GBE1: variants seen among roughly 807,000 people sequenced by gnomAD.
The protein encoded by GBE1 is 1,4-alpha-glucan-branching enzyme.
A neutral mutation model predicts 88.8 loss-of-function variants in GBE1; 70 were observed. The observed-to-expected ratio is 0.79, with a 90% confidence interval of 0.65 to 0.96. The LOEUF is 0.96. GBE1 is among the 40% of genes least tolerant of loss of function. The probability of loss-of-function intolerance (pLI) is 0.00; values close to 1 mark genes in which losing one functional copy is unlikely to be tolerated. For missense variants in GBE1, 872 were observed against 871.0 expected (o/e 1.00, Z -0.01); for synonymous variants, 284 against 300.1 (o/e 0.95, Z 0.56).
chr3:81,683,059 A>G (rs1705374518), intron 2 of GBE1, among the ~76,000 whole-genome samples: 1 of 152,210 alleles, frequency 6.6e-6, no homozygotes, highest in Non-Finnish European at 1.5e-5. Context: ...AGACACAGAA[A>G]GTAGATCAGT....
intron 7 of GBE1, among the ~76,000 whole-genome samples, chr3:81,607,612 TTCG>T (rs1276365572): frequency 6.6e-6 from 1 of 152,106 alleles, no homozygotes; most frequent in Non-Finnish European, 1.5e-5. Flanking sequence ...CTGCTAACTA[TTCG>T]TCTTGTCATA....
intron 12 of GBE1, among the ~76,000 whole-genome samples, chr3:81,571,435 T>C (rs1224841588): frequency 6.6e-6 from 1 of 152,208 alleles, no homozygotes; most frequent in Non-Finnish European, 1.5e-5. Flanking sequence ...AGCACTGAGC[T>C]ACATTACAGA....
intron 7 of GBE1, among the ~76,000 whole-genome samples, chr3:81,597,972 C>G (rs1424422271): frequency 2.0e-5 from 3 of 151,816 alleles, no homozygotes; most frequent in African/African-American, 4.8e-5. Flanking sequence ...TGTTGATTGT[C>G]TTACATTCTG....
intron 1 of GBE1, among the ~76,000 whole-genome samples, chr3:81,730,856 T>C (rs1235963973): frequency 1.3e-5 from 2 of 152,130 alleles, no homozygotes; most frequent in Admixed American, 6.6e-5. Context: ...GTAGCAAATA[T>C]GTTTATATGA....
intron 2 of GBE1, among the ~76,000 whole-genome samples, chr3:81,678,381 T>C (rs1705292011): frequency 6.6e-6 from 1 of 152,176 alleles, no homozygotes; most frequent in African/African-American, 2.4e-5. Context: ...AAATTGTTAT[T>C]TAAGGGATTT....
intron 1 of GBE1, among the ~76,000 whole-genome samples, chr3:81,713,275 G>A (rs1705896127): frequency 6.6e-6 from 1 of 152,134 alleles, no homozygotes; most frequent in African/African-American, 2.4e-5. Flanking sequence ...AGGATGAGTA[G>A]TACATTTTGA....
intron 9 of GBE1, among the ~76,000 whole-genome samples, chr3:81,590,779 C>G (rs1168657388): frequency 6.6e-6 from 1 of 152,112 alleles, no homozygotes; most frequent in East Asian, 1.9e-4. Context: ...CTGATTAGGA[C>G]ATTTAACTCT....
intron 1 of GBE1, among the ~76,000 whole-genome samples, chr3:81,756,657 A>C (rs560982721): frequency 3.9e-5 from 6 of 152,312 alleles, no homozygotes; most frequent in African/African-American, 9.6e-5. Flanking sequence ...AGCCCAGAAG[A>C]AGCTTTGAGA....
chr3:81,672,638 G>T (rs1270685805), intron 2 of GBE1, among the ~76,000 whole-genome samples: 1 of 151,862 alleles, frequency 6.6e-6, no homozygotes, highest in African/African-American at 2.4e-5. Context: ...GATTCCCTGT[G>T]GGTAGAAGAA....
intron 3 of GBE1, among the ~76,000 whole-genome samples, chr3:81,667,794 A>G (rs189362893): frequency 4.3e-4 from 65 of 152,268 alleles, no homozygotes; most frequent in Admixed American, 1.6e-3. Flanking sequence ...CGGGGATGAA[A>G]CTAACTTGAT....
intron 1 of GBE1, among the ~76,000 whole-genome samples, chr3:81,742,549 A>G (rs1234200307): frequency 6.6e-6 from 1 of 152,158 alleles, no homozygotes; most frequent in Non-Finnish European, 1.5e-5. Flanking sequence ...ATCATTTGCT[A>G]TGCCATAAAC....
At chr3:81,648,815 A>T in intron 5 of GBE1, 41 bp downstream of exon 5, 1 of 1,255,102 alleles carries the variant, frequency 8.0e-7, no homozygotes. Context: ...GAACAGACTC[A>T]TTAAAATTTT....
chr3:81,628,535 C>A (rs1211682180), intron 7 of GBE1, among the ~76,000 whole-genome samples: 2 of 151,630 alleles, frequency 1.3e-5, no homozygotes, highest in African/African-American at 4.8e-5. Context: ...TGCCAAAGAG[C>A]CAGTGATGAG....
chr3:81,758,412 G>A (rs570305781), intron 1 of GBE1, among the ~76,000 whole-genome samples: 7 of 152,334 alleles, frequency 4.6e-5, no homozygotes, highest in Admixed American at 2.6e-4. Context: ...CTCACTGCTA[G>A]GCAAAAGCTG....
In GBE1 at chr3:81,750,677, A is replaced by G. The variant is rs1407940208; in HGVS notation, c.143+10698T>C. On this transcript the variant is annotated intron_variant, in intron 1 of 15. Transcript: ENST00000429644. ...TATATATGTATATATATATATACGT[A>G]TATATATATATATATATGTATTTTT... is the stretch of plus-strand genomic sequence containing the variant. Among the ~76,000 whole-genome samples, 271 of 80,160 alleles carry G rather than the reference A, an allele frequency of 3.4e-3. 38 individuals are homozygous for G. The highest frequency in any genetic ancestry group is 9.4e-3 in the African/African-American group (136 of 14,408). 52.6% of individuals were successfully genotyped at this position (80,160 alleles called of 152,430 possible). A position where few individuals can be genotyped will look rare whatever the true frequency, so the allele number is the denominator to read the frequency against.
At chr3:81,703,938 C>G (rs1705736375) in intron 2 of GBE1, among the ~76,000 whole-genome samples, 1 of 151,960 alleles carries the variant, frequency 6.6e-6, no homozygotes, top group Admixed American at 6.6e-5. Flanking sequence ...TCATTTTATA[C>G]AAGAGACTTA....
intron 3 of GBE1, among the ~76,000 whole-genome samples, chr3:81,661,732 C>A (rs937212375): frequency 5.3e-5 from 8 of 151,982 alleles, no homozygotes; most frequent in African/African-American, 1.9e-4. Context: ...AAAAGCTAGA[C>A]CTGAGAAGGT....
chr3:81,607,563 C>A (rs531492922), intron 7 of GBE1, among the ~76,000 whole-genome samples: 13 of 152,004 alleles, frequency 8.6e-5, no homozygotes, highest in African/African-American at 3.1e-4. Flanking sequence ...CAAATAAAAA[C>A]AAAAACAAAA....
chr3:81,749,478 G>A (rs1430502000), intron 1 of GBE1, among the ~76,000 whole-genome samples: 2 of 152,192 alleles, frequency 1.3e-5, no homozygotes, highest in Non-Finnish European at 1.5e-5. Context: ...GGGGCAATGT[G>A]AGTATAAAGG....
Sources: allele counts gnomAD v4.1 joint callset (sites outside exome capture counted in the v4.1 genomes callset), GRCh38; gene constraint gnomAD v4.1.1; transcripts MANE v1.5; gene names NCBI Gene and HGNC (gene_info 2026-07-23, HGNC 2026-07-21).